The following RANBP2 variants were observed in gnomAD, a reference collection of about 807,000 sequenced individuals.
The protein encoded by RANBP2 is RAN binding protein 2.
Under a neutral mutation model 303.6 loss-of-function variants are expected in RANBP2, and 57 were observed. The observed-to-expected ratio is 0.19, with a 90% CI of 0.15 to 0.23. The LOEUF (loss-of-function observed/expected upper bound fraction) is 0.23. Ranked by LOEUF, RANBP2 falls within the 10% of genes least tolerant of loss-of-function variation. RANBP2 has a pLI of 1.00. For missense variants in RANBP2, 3,138 were observed against 3,780.8 expected, an observed-to-expected ratio of 0.83 and a Z score of 4.46; for synonymous variants, 1,167 against 1,301.5, an observed-to-expected ratio of 0.90 and a Z score of 2.23.
chr2:108,912,060 C>T, the RANBP2 span, among the ~76,000 whole-genome samples: 9 of 152,188 alleles, frequency 5.9e-5, no homozygotes, highest in Non-Finnish European at 8.8e-5. Context: ...GCGTGGGAGG[C>T]CCAGAGATGA....
chr2:109,137,113 G>A, the RANBP2 span, among the ~76,000 whole-genome samples: 12 of 152,366 alleles, frequency 7.9e-5, no homozygotes, highest in African/African-American at 2.6e-4. Context: ...GACCAGATAT[G>A]CTGCAGAGGA....
the RANBP2 span, among the ~76,000 whole-genome samples, chr2:109,473,188 C>T: frequency 2.0e-5 from 3 of 152,056 alleles, no homozygotes; most frequent in Non-Finnish European, 2.9e-5. Context: ...CCCAGGGAAG[C>T]GGCTTCCTGC....
the RANBP2 span, among the ~76,000 whole-genome samples, chr2:109,224,515 G>A: frequency 6.6e-6 from 1 of 152,180 alleles, no homozygotes; most frequent in Admixed American, 6.5e-5. Context: ...AGCCACAGGT[G>A]ACTACTGAGC....
the RANBP2 span, among the ~76,000 whole-genome samples, chr2:109,032,591 T>TG: frequency 6.6e-6 from 1 of 151,166 alleles, no homozygotes; most frequent in African/African-American, 2.4e-5. Context: ...CCCCATGGGG[T>TG]GGGGTGGGGG....
At chr2:109,471,986 G>A in the RANBP2 span, among the ~76,000 whole-genome samples, 21 of 152,324 alleles carry the variant, frequency 1.4e-4, no homozygotes, top group African/African-American at 5.1e-4. Flanking sequence ...TGCCAATTCA[G>A]GGAGAAGCAG....
At chr2:108,832,069 G>A in the RANBP2 span, among the ~76,000 whole-genome samples, 2 of 150,968 alleles carry the variant, frequency 1.3e-5, no homozygotes, top group Non-Finnish European at 2.9e-5. Flanking sequence ...TCACTCTGTC[G>A]CCCAGGCTGG....
the RANBP2 span, among the ~76,000 whole-genome samples, chr2:109,370,539 A>C: frequency 6.6e-6 from 1 of 152,010 alleles, no homozygotes; most frequent in Non-Finnish European, 1.5e-5. Context: ...GCGCCCGGCC[A>C]TCTGTCTCTC....
At chr2:109,169,115 C>A in the RANBP2 span, among the ~76,000 whole-genome samples, 1 of 152,124 alleles carries the variant, frequency 6.6e-6, no homozygotes, top group Admixed American at 6.6e-5. Flanking sequence ...AGCAGGATTG[C>A]TGGTAGATTT....
the RANBP2 span, among the ~76,000 whole-genome samples, chr2:109,430,342 C>T: frequency 3.4e-3 from 520 of 152,356 alleles, 18 homozygotes; most frequent in East Asian, 0.061. Context: ...ATTTGTGCGT[C>T]ATTGTTACTG....
chr2:109,294,009 G>C, the RANBP2 span, among the ~76,000 whole-genome samples: 5 of 152,170 alleles, frequency 3.3e-5, no homozygotes, highest in Non-Finnish European at 5.9e-5. Context: ...CCGAGCAGCT[G>C]GTTGTGTCAC....
chr2:109,277,913 G>A, the RANBP2 span, among the ~76,000 whole-genome samples: 1 of 150,962 alleles, frequency 6.6e-6, no homozygotes, highest in South Asian at 2.1e-4. Context: ...GGTGGCTCAC[G>A]CCTATAATCC....
chr2:108,937,513 ATGTG>A, the RANBP2 span, among the ~76,000 whole-genome samples: 1 of 151,954 alleles, frequency 6.6e-6, no homozygotes, highest in African/African-American at 2.4e-5. Flanking sequence ...GAATGTATGC[ATGTG>A]TAAGTGTAGG....
the RANBP2 span, among the ~76,000 whole-genome samples, chr2:109,316,176 CTT>C: frequency 2.0e-5 from 3 of 152,154 alleles, no homozygotes; most frequent in African/African-American, 7.2e-5. Flanking sequence ...TTTTGCTGAA[CTT>C]TTGGGCCTGG....
chr2:109,465,014 T>TAA, the RANBP2 span, among the ~76,000 whole-genome samples: 1 of 152,242 alleles, frequency 6.6e-6, no homozygotes, highest in African/African-American at 2.4e-5. Context: ...CTGACCTTTT[T>TAA]ACTGCCTTCA....
the RANBP2 span, among the ~76,000 whole-genome samples, chr2:109,339,466 G>A: frequency 6.6e-6 from 1 of 152,080 alleles, no homozygotes; most frequent in African/African-American, 2.4e-5. Context: ...CCAGTGCAAG[G>A]CCCCATTGAC....
At chr2:109,737,645 C>A in the RANBP2 span, 2 of 237,168 alleles carry the variant, frequency 8.4e-6, no homozygotes, top group Non-Finnish European at 1.6e-5. Flanking sequence ...TTTTGAGGAA[C>A]CTCCATACTG....
chr2:108,862,055 G>A, the RANBP2 span, among the ~76,000 whole-genome samples: 2 of 146,174 alleles, frequency 1.4e-5, no homozygotes, highest in African/African-American at 5.0e-5. Context: ...TATGGCCCAA[G>A]AGGATTCTTG....
the RANBP2 span, among the ~76,000 whole-genome samples, chr2:109,479,610 G>A: frequency 1.3e-5 from 2 of 152,186 alleles, no homozygotes; most frequent in Admixed American, 6.5e-5. Flanking sequence ...GTACAGGACT[G>A]GCAGCCCAAG....
At chr2:109,459,036 A>T in the RANBP2 span, among the ~76,000 whole-genome samples, 4 of 152,174 alleles carry the variant, frequency 2.6e-5, no homozygotes, top group Non-Finnish European at 1.5e-5. Context: ...CTAATATGAT[A>T]CAACAAGCCT....
Sources: allele counts gnomAD v4.1 joint callset (sites outside exome capture counted in the v4.1 genomes callset), GRCh38; gene constraint gnomAD v4.1.1; transcripts MANE v1.5; gene names NCBI Gene and HGNC (gene_info 2026-07-23, HGNC 2026-07-21).